Variants in TPM4 observed in about 807,000 individuals in gnomAD.
TPM4 encodes the protein tropomyosin alpha-4 chain.
TPM4 carries 17 observed loss-of-function variants against 35.8 expected under a neutral mutation model. That is an observed-to-expected ratio of 0.47 (90% CI 0.32 to 0.71). TPM4 has a LOEUF of 0.71. TPM4 is among the 30% of genes least tolerant of loss of function. The probability of loss-of-function intolerance (pLI) is 0.03; values close to 1 mark genes in which losing one functional copy is unlikely to be tolerated. For synonymous variants in TPM4, 120 were observed against 122.9 expected (o/e 0.98, Z 0.15); for missense variants, 240 against 320.9 (o/e 0.75, Z 1.93).
chr19:16,084,080 C>T (rs1188132767), intron 2 of TPM4, among the ~76,000 whole-genome samples: 2 of 152,204 alleles, frequency 1.3e-5, no homozygotes, highest in Non-Finnish European at 2.9e-5. Flanking sequence ...GCACCCGCCA[C>T]CACACCCGGC....
chr19:16,101,390 G>A lies in TPM4; in HGVS notation c.*44G>A, dbSNP rs375338008. ...GTTCCAACAGAAACTCTGGAGCTCC[G>A]TGGGTCTTTCTCTTCTCTTGTAAGA... is the stretch of plus-strand genomic sequence containing the variant. On this transcript the variant is annotated 3_prime_UTR_variant, in exon 8 of 8. Coordinates refer to ENST00000643579, the MANE Select transcript of TPM4 (RefSeq NM_003290.3). 89 of 1,454,332 alleles carry A rather than the reference G, an allele frequency of 6.1e-5. 2 individuals are homozygous for A. Among genetic ancestry groups the A allele is most frequent in the South Asian group, 5.1e-4 (39 of 76,982 alleles). The allele number at this position is 1,454,332 out of a possible 1,614,324, so 90.1% of individuals were successfully genotyped here.
At chr19:16,095,688 C>A in intron 7 of TPM4, 3 of 688,200 alleles carry the variant, frequency 4.4e-6, no homozygotes, top group Non-Finnish European at 5.4e-6. Context: ...AAAACAAAAG[C>A]AAACTGGGCA....
At chr19:16,095,669 G>A (rs944686172) in intron 7 of TPM4, 17 of 908,402 alleles carry the variant, frequency 1.9e-5, no homozygotes, top group Non-Finnish European at 2.1e-5. Flanking sequence ...ATGCTTTTCT[G>A]AAGACGTGAA....
rs1491374009 is a variant in TPM4, at chr19:16,069,987, CAT to C, written c.114+2250_114+2251del. 6.9e-4 allele frequency among the ~76,000 whole-genome samples: 103 copies of C among 148,690 alleles called. 2 individuals carry two copies. The Middle Eastern group carries it at 0.03, about 44-fold the overall frequency. ...GCACCTGCCCAGGAGAATGGCACGG[CAT>C]GTGTGTGTGTGTGTGTGGTGGGGGC... On this transcript the variant is annotated intron_variant, in intron 2 of 2. Coordinates refer to the TPM4 transcript ENST00000589897.
chr19:16,086,545 G>T lies in TPM4; in HGVS notation c.384+5G>T. The T allele has an allele frequency of 6.2e-7, 1 of 1,610,724 alleles. No homozygotes were observed. The highest frequency in any genetic ancestry group is 8.5e-7 in the Non-Finnish European group (1 of 1,177,742). Reference sequence around the variant, plus strand: ...GCTGACCGCAAATACGAGGAGGTGAGTGGGGCTGGCAGATGGCGCAGCAGC... The same window carrying T: ...GCTGACCGCAAATACGAGGAGGTGATTGGGGCTGGCAGATGGCGCAGCAGC... On this transcript the variant is annotated splice_donor_5th_base_variant and intron_variant, in intron 3 of 7. Coordinates refer to ENST00000643579, the MANE Select transcript of TPM4 (RefSeq NM_003290.3).
At chr19:16,072,549 T>A (rs1165001403), upstream of TPM4, among the ~76,000 whole-genome samples, 1 of 151,862 alleles carries the variant, frequency 6.6e-6, no homozygotes, top group Non-Finnish European at 1.5e-5. Flanking sequence ...CTGTGTGGCA[T>A]CAGGCAAGTC....
rs2090539219 is a variant in TPM4, at chr19:16,085,488, C to T, written c.267-935C>T. 2.6e-5 allele frequency among the ~76,000 whole-genome samples: 4 copies of T among 151,948 alleles called. No homozygotes were observed. The South Asian group carries it at 6.2e-4, about 24-fold the overall frequency. ...GGCCGAGGCAACAGGATTGCTTGAG[C>T]CTGAGAGGACAAGGCTGCCGTGAGC... On this transcript the variant is annotated intron_variant, in intron 2 of 7. Transcript: ENST00000643579.
upstream of TPM4, among the ~76,000 whole-genome samples, chr19:16,073,141 C>T (rs2090371340): frequency 6.6e-6 from 1 of 151,972 alleles, no homozygotes; most frequent in African/African-American, 2.4e-5. Flanking sequence ...CCCAGGAGTT[C>T]GAGACCAGCC....
intron 2 of TPM4, among the ~76,000 whole-genome samples, chr19:16,068,177 T>C (rs2090317563): frequency 1.3e-5 from 2 of 151,798 alleles, no homozygotes; most frequent in African/African-American, 2.4e-5. Flanking sequence ...TGCGTGTGTG[T>C]GTGTGTGTGT....
At chr19:16,073,938 T>TAAAAAAAAA (rs71178637), upstream of TPM4, among the ~76,000 whole-genome samples, 14 of 35,666 alleles carry the variant, frequency 3.9e-4, no homozygotes, top group African/African-American at 1.5e-3. Context: ...GAAGACCATG[T>TAAAAAAAAA]AAAAAAAAAA....
Position 16,076,528 on chromosome 19 carries a change from C to T in TPM4, c.-38C>T, listed in dbSNP as rs1444625583. 1.4e-6 allele frequency: 2 copies of T among 1,404,356 alleles called. No homozygotes were observed. The highest frequency in any genetic ancestry group is 1.8e-6 in the Non-Finnish European group (2 of 1,083,358). 87.0% of individuals were successfully genotyped at this position (1,404,356 alleles called of 1,614,324 possible). On this transcript the variant is annotated 5_prime_UTR_variant, in exon 1 of 8. Transcript: ENST00000643579. ...CTCGCCGGAGCCGAGCCCAGCCGAG[C>T]GTCCGCCGCTGCCCGTGCGCCTCTG...
intron 2 of TPM4, among the ~76,000 whole-genome samples, chr19:16,069,395 G>GTGAA (rs2090329938): frequency 6.6e-6 from 1 of 151,778 alleles, no homozygotes; most frequent in Non-Finnish European, 1.5e-5. Flanking sequence ...CTATTGGTGT[G>GTGAA]TGTGTATGAG....
chr19:16,083,080 A>G (rs1408886131), intron 2 of TPM4, among the ~76,000 whole-genome samples: 1 of 151,536 alleles, frequency 6.6e-6, no homozygotes, highest in Non-Finnish European at 1.5e-5. Context: ...CAGAGCTGTC[A>G]GGCTTTAGGC....
chr19:16,086,667 T>C (rs1217737167), intron 3 of TPM4, 127 bp downstream of exon 3: 1 of 732,544 alleles, frequency 1.4e-6, no homozygotes, highest in Non-Finnish European at 2.3e-6. Flanking sequence ...TGCGTGAACA[T>C]ATGTTTGTCC....
rs1490476515 is a variant in TPM4, at chr19:16,076,730, A to C, written c.132+33A>C. On this transcript the variant is annotated intron_variant, in intron 1 of 7. Transcript: ENST00000643579. ...CCCCGGCCTCGGGCCCCGCACCCGCAGCCTCCTCCCCCGCGCGCCCTCCTT... is the reference window on the plus strand; with the variant it reads ...CCCCGGCCTCGGGCCCCGCACCCGCCGCCTCCTCCCCCGCGCGCCCTCCTT... 3 of 1,298,890 alleles carry C rather than the reference A, an allele frequency of 2.3e-6. No individual in the cohort carries two copies. The East Asian group carries it at 9.5e-5, about 41-fold the overall frequency. 80.5% of individuals were successfully genotyped at this position (1,298,890 alleles called of 1,614,324 possible).
intron 1 of TPM4, 89 bp from the exon 2 acceptor site, chr19:16,081,824 C>T: frequency 7.1e-7 from 1 of 1,413,220 alleles, no homozygotes; most frequent in Non-Finnish European, 9.4e-7. Flanking sequence ...CGGGGAAGAT[C>T]AGGTTAACAG....
intron 2 of TPM4, among the ~76,000 whole-genome samples, chr19:16,068,425 G>A (rs960638474): frequency 1.3e-5 from 2 of 152,032 alleles, no homozygotes; most frequent in African/African-American, 2.4e-5. Flanking sequence ...ATCCGCCCGC[G>A]TCTGCCTCCC....
At position 16,093,549 on chromosome 19, in the gene TPM4, A is replaced by T; in HGVS notation, c.545A>T (p.Glu182Val). 1.2e-6 allele frequency: 2 copies of T among 1,614,188 alleles called. No individual in the cohort carries two copies. Among genetic ancestry groups the T allele is most frequent in the Non-Finnish European group, 1.7e-6 (2 of 1,180,020 alleles). The change falls in exon 6 of 8, where the codon GAG (glutamate) becomes GTG (valine). Residue 182 changes from glutamate to valine, a missense_variant. By Grantham distance (121) the Glu-to-Val change is moderately radical (BLOSUM62 -2). Transcript: ENST00000643579. Reference sequence around the variant, plus strand: ...TTTCTCCCACAGTATTCTGAAAAGGAGGACAAATATGAAGAAGAAATTAAA... The same window carrying T: ...TTTCTCCCACAGTATTCTGAAAAGGTGGACAAATATGAAGAAGAAATTAAA... ...EAASEKYSEK[E>V]DKYEEEIKLL...
intron 2 of TPM4, among the ~76,000 whole-genome samples, chr19:16,071,220 G>T (rs1347717153): frequency 6.6e-6 from 1 of 152,098 alleles, no homozygotes; most frequent in East Asian, 1.9e-4. Flanking sequence ...TTAGAGATGG[G>T]GGTCTCACTC....
Sources: gnomAD v4.1 joint callset for allele counts (sites outside exome capture counted in the v4.1 genomes callset) on GRCh38, gnomAD v4.1.1 for gene constraint, MANE v1.5 for transcripts, NCBI Gene and HGNC (gene_info 2026-07-23, HGNC 2026-07-21) for gene names.